Variants in SGCZ observed in about 807,000 individuals in gnomAD.
The protein encoded by SGCZ is sarcoglycan zeta.
In SGCZ, 40 loss-of-function variants were observed where a neutral mutation model predicts 41.3. The observed-to-expected ratio is 0.97, with a 90% CI of 0.75 to 1.26. SGCZ has a LOEUF of 1.26. Ranked by LOEUF, SGCZ falls within the 50% of genes most tolerant of loss-of-function variation. The probability of loss-of-function intolerance (pLI) is 0.00; values close to 1 mark genes in which losing one functional copy is unlikely to be tolerated. For synonymous variants in SGCZ, 206 were observed against 137.5 expected (o/e 1.50, Z -3.49); for missense variants, 552 against 369.8 (o/e 1.49, Z -4.04).
chr8:15,042,357 G>C (rs1473219921), intron 1 of SGCZ, among the ~76,000 whole-genome samples: 1 of 152,024 alleles, frequency 6.6e-6, no homozygotes, highest in South Asian at 2.1e-4. Flanking sequence ...CTCCATCTTG[G>C]CTTCACATTT....
chr8:14,712,147 A>C (rs1034105425), intron 1 of SGCZ, among the ~76,000 whole-genome samples: 1 of 152,160 alleles, frequency 6.6e-6, no homozygotes, highest in Non-Finnish European at 1.5e-5. Flanking sequence ...AACTTCCACA[A>C]CTAACCCCTA....
chr8:14,487,139 C>G (rs1191556360), intron 2 of SGCZ, among the ~76,000 whole-genome samples: 1 of 152,092 alleles, frequency 6.6e-6, no homozygotes, highest in Non-Finnish European at 1.5e-5. Context: ...ATAGGTTATC[C>G]AAACTGTCCT....
chr8:15,110,201 A>C (rs1409864844), intron 1 of SGCZ, among the ~76,000 whole-genome samples: 1 of 152,144 alleles, frequency 6.6e-6, no homozygotes, highest in Non-Finnish European at 1.5e-5. Flanking sequence ...TTCTGTCTTT[A>C]GGGAGGGAGG....
chr8:14,108,823 G>C (rs1038862356), intron 5 of SGCZ, among the ~76,000 whole-genome samples: 1 of 152,144 alleles, frequency 6.6e-6, no homozygotes, highest in Non-Finnish European at 1.5e-5. Context: ...ATTTATAAAA[G>C]TCAAAAGTCA....
intron 2 of SGCZ, among the ~76,000 whole-genome samples, chr8:14,530,072 A>C (rs1277008439): frequency 3.9e-5 from 6 of 152,076 alleles, no homozygotes; most frequent in Non-Finnish European, 8.8e-5. Flanking sequence ...CCTTAATCTG[A>C]AAGACGCTAA....
chr8:14,282,891 C>T (rs1251119889), intron 3 of SGCZ, among the ~76,000 whole-genome samples: 2 of 123,080 alleles, frequency 1.6e-5, no homozygotes, highest in African/African-American at 6.3e-5. Flanking sequence ...ACTCTGTCAC[C>T]CAGGCTGGAG....
chr8:14,108,366 G>A (rs1476232707), intron 5 of SGCZ, 131 bp from the exon 6 acceptor site: 2 of 698,658 alleles, frequency 2.9e-6, no homozygotes, highest in African/African-American at 1.8e-5. Flanking sequence ...GTATTAGTCC[G>A]TTTTCACACT....
intron 5 of SGCZ, among the ~76,000 whole-genome samples, chr8:14,149,605 T>C (rs1803633936): frequency 6.7e-6 from 1 of 149,888 alleles, no homozygotes; most frequent in Non-Finnish European, 1.5e-5. Context: ...CCCAAAGCTA[T>C]CTACAGACTC....
chr8:14,315,347 C>A (rs372516262), intron 3 of SGCZ, among the ~76,000 whole-genome samples: 3 of 152,152 alleles, frequency 2.0e-5, no homozygotes, highest in East Asian at 3.9e-4. Flanking sequence ...AGGTTACCGG[C>A]TGGGTAATAA....
At chr8:14,923,730 A>T (rs1284163704) in intron 1 of SGCZ, among the ~76,000 whole-genome samples, 1 of 152,226 alleles carries the variant, frequency 6.6e-6, no homozygotes, top group South Asian at 2.1e-4. Flanking sequence ...TCTTTGCCGT[A>T]TGCTTAGAGG....
intron 1 of SGCZ, among the ~76,000 whole-genome samples, chr8:14,683,047 G>T (rs972872090): frequency 1.3e-5 from 2 of 151,972 alleles, no homozygotes; most frequent in Non-Finnish European, 2.9e-5. Context: ...TTTCTATAAG[G>T]TACAAAATAA....
intron 1 of SGCZ, among the ~76,000 whole-genome samples, chr8:15,103,858 T>G (rs944665899): frequency 6.6e-6 from 1 of 152,118 alleles, no homozygotes; most frequent in Non-Finnish European, 1.5e-5. Context: ...TAATTGGGCA[T>G]GCAAAGCATA....
intron 1 of SGCZ, among the ~76,000 whole-genome samples, chr8:14,559,804 A>T (rs1804153833): frequency 6.6e-6 from 1 of 152,110 alleles, no homozygotes; most frequent in Middle Eastern, 3.2e-3. Flanking sequence ...ATTCATAGCA[A>T]GTTCTCTCAG....
At chr8:14,610,874 A>G (rs1315573781) in intron 1 of SGCZ, among the ~76,000 whole-genome samples, 1 of 152,302 alleles carries the variant, frequency 6.6e-6, no homozygotes, top group African/African-American at 2.4e-5. Context: ...CGGAAAGTCA[A>G]ATATTCAGAT....
chr8:15,236,069 G>A (rs1468247776), intron 1 of SGCZ, among the ~76,000 whole-genome samples: 2 of 152,126 alleles, frequency 1.3e-5, no homozygotes, highest in African/African-American at 4.8e-5. Flanking sequence ...AAACTTGTTG[G>A]CCAACTTTAA....
intron 1 of SGCZ, among the ~76,000 whole-genome samples, chr8:14,998,256 G>A (rs900255081): frequency 6.6e-5 from 10 of 152,126 alleles, no homozygotes; most frequent in African/African-American, 1.9e-4. Context: ...TGAATAAACC[G>A]TTAAGAATAT....
rs150025728 is a variant in SGCZ, at chr8:15,049,284, A to T, written c.39+188301T>A. 4.6e-3 allele frequency among the ~76,000 whole-genome samples: 694 copies of T among 152,208 alleles called. 2 individuals carry two copies. Among genetic ancestry groups the T allele is most frequent in the Middle Eastern group, 0.02 (6 of 294 alleles). On this transcript the variant is annotated intron_variant, in intron 1 of 7. Transcript: ENST00000382080. ...GAGCATTTAAGGGAGGAAATTCAAT[A>T]TATACAAAGGCCTTTCTTTAAGGAG...
intron 4 of SGCZ, among the ~76,000 whole-genome samples, chr8:14,192,826 T>C (rs370873023): frequency 6.6e-6 from 1 of 152,108 alleles, no homozygotes. Flanking sequence ...TAAATTATTA[T>C]GGAGACCAGC....
intron 1 of SGCZ, among the ~76,000 whole-genome samples, chr8:15,123,708 CA>C (rs1807569776): frequency 6.6e-6 from 1 of 152,148 alleles, no homozygotes; most frequent in South Asian, 2.1e-4. Flanking sequence ...AAAGGGTGAA[CA>C]AGGCACCTAC....
Sources: gnomAD v4.1 joint callset for allele counts (sites outside exome capture counted in the v4.1 genomes callset) on GRCh38, gnomAD v4.1.1 for gene constraint, MANE v1.5 for transcripts, NCBI Gene and HGNC (gene_info 2026-07-23, HGNC 2026-07-21) for gene names.